ZNF804A: variants seen among roughly 807,000 people sequenced by gnomAD.
The protein encoded by ZNF804A is zinc finger protein 804A.
In ZNF804A, 2 loss-of-function variants were observed where a neutral mutation model predicts 16.5. The observed-to-expected ratio is 0.12, with a 90% CI of 0.05 to 0.38. The LOEUF is 0.38. ZNF804A is among the 10% of genes least tolerant of loss of function. The pLI is 0.99. For synonymous variants in ZNF804A, 534 were observed against 489.6 expected, an observed-to-expected ratio of 1.09 and a Z score of -1.20; for missense variants, 1,473 against 1,390.7, an observed-to-expected ratio of 1.06 and a Z score of -0.94.
chr2:184,696,904 G>T (rs1692839697), intron 1 of ZNF804A, among the ~76,000 whole-genome samples: 2 of 151,834 alleles, frequency 1.3e-5, no homozygotes. Flanking sequence ...ATTTAAAAAT[G>T]TAGAAACAAA....
At chr2:184,686,224 C>T (rs1439009911) in intron 1 of ZNF804A, among the ~76,000 whole-genome samples, 1 of 152,192 alleles carries the variant, frequency 6.6e-6, no homozygotes, top group African/African-American at 2.4e-5. Context: ...TGCAGCTACA[C>T]TAGGGAGCCT....
chr2:184,840,711 G>A (rs1171053481), intron 1 of ZNF804A, among the ~76,000 whole-genome samples: 2 of 151,882 alleles, frequency 1.3e-5, no homozygotes, highest in Non-Finnish European at 2.9e-5. Flanking sequence ...ATACACGCCC[G>A]CTAACAAAAC....
chr2:184,832,322 G>T (rs1055824465), intron 1 of ZNF804A, among the ~76,000 whole-genome samples: 5 of 151,984 alleles, frequency 3.3e-5, no homozygotes, highest in Admixed American at 2.0e-4. Flanking sequence ...TAGGAGTCAA[G>T]AACTTAGTTT....
rs1272263201 is a variant in ZNF804A at position 184,936,468 on chromosome 2, A to T, written c.1072A>T (p.Asn358Tyr). 6.2e-7 allele frequency: 1 copy of T among 1,613,966 alleles called. No individual in the cohort carries two copies. Among genetic ancestry groups the T allele is most frequent in the Non-Finnish European group, 8.5e-7 (1 of 1,179,942 alleles). ...TGGTAACAGTTTTGAGTTGTTAGGA[A>T]ATAAATCCACAGTTCTTGACATGTC... ...VSGNSFELLG[N>Y]KSTVLDMSND... The change falls in exon 4 of 4, where the codon AAT (asparagine) becomes TAT (tyrosine). Residue 358 changes from asparagine to tyrosine, a missense_variant. Coordinates refer to ENST00000302277, the MANE Select transcript of ZNF804A (RefSeq NM_194250.2).
chr2:184,782,195 A>G (rs1337817307), intron 1 of ZNF804A, among the ~76,000 whole-genome samples: 4 of 151,706 alleles, frequency 2.6e-5, no homozygotes, highest in Non-Finnish European at 2.9e-5. Context: ...GACACCATTT[A>G]GCTTATAGCA....
intron 2 of ZNF804A, among the ~76,000 whole-genome samples, chr2:184,922,401 G>T (rs1304736486): frequency 6.6e-6 from 1 of 151,826 alleles, no homozygotes; most frequent in Non-Finnish European, 1.5e-5. Flanking sequence ...TATGTCTTTT[G>T]GGAAATGTCT....
intron 2 of ZNF804A, among the ~76,000 whole-genome samples, chr2:184,869,146 T>A (rs929156071): frequency 4.0e-5 from 6 of 151,788 alleles, no homozygotes; most frequent in African/African-American, 1.5e-4. Flanking sequence ...GAAAAAAAAA[T>A]TTCTGAAATC....
At chr2:184,749,418 A>C (rs1693842592) in intron 1 of ZNF804A, among the ~76,000 whole-genome samples, 1 of 151,174 alleles carries the variant, frequency 6.6e-6, no homozygotes, top group African/African-American at 2.4e-5. Context: ...ATATTTGTAC[A>C]TTTATTTTGT....
At chr2:184,690,627 A>G (rs763919741) in intron 1 of ZNF804A, among the ~76,000 whole-genome samples, 1 of 152,070 alleles carries the variant, frequency 6.6e-6, no homozygotes, top group Admixed American at 6.5e-5. Flanking sequence ...GCATGCCTTT[A>G]GTAAGCCATT....
chr2:184,763,836 G>T (rs1156365566), intron 1 of ZNF804A, among the ~76,000 whole-genome samples: 1 of 151,440 alleles, frequency 6.6e-6, no homozygotes, highest in Non-Finnish European at 1.5e-5. Flanking sequence ...TAGAGATGGG[G>T]TTTCACCGTG....
rs138073881 is a variant in ZNF804A at position 184,806,521 on chromosome 2, G to A, written c.112-59848G>A. ...ATTGATCATCACAATCAGGAATGAT[G>A]AGCAAGAAATATTTTTTCAAGCCAG... On this transcript the variant is annotated intron_variant, in intron 1 of 3. Coordinates refer to ENST00000302277, the MANE Select transcript of ZNF804A (RefSeq NM_194250.2). Among the ~76,000 whole-genome samples, 329 of 151,868 alleles carry A rather than the reference G, an allele frequency of 2.2e-3. 1 individual carries two copies. The highest frequency in any genetic ancestry group is 6.8e-3 in the Middle Eastern group (2 of 294).
intron 1 of ZNF804A, among the ~76,000 whole-genome samples, chr2:184,688,027 G>A (rs1692666054): frequency 6.6e-6 from 1 of 152,116 alleles, no homozygotes; most frequent in Non-Finnish European, 1.5e-5. Flanking sequence ...GCTGAGACAT[G>A]AGAATTGCTT....
chr2:184,737,336 C>T (rs1484867839), intron 1 of ZNF804A, among the ~76,000 whole-genome samples: 1 of 152,006 alleles, frequency 6.6e-6, no homozygotes, highest in Admixed American at 6.6e-5. Context: ...GCTGGGATTA[C>T]AGGTGTGAGC....
intron 1 of ZNF804A, among the ~76,000 whole-genome samples, chr2:184,606,405 T>A (rs1019486036): frequency 1.1e-4 from 17 of 152,178 alleles, no homozygotes; most frequent in African/African-American, 3.6e-4. Flanking sequence ...TCACTTACTA[T>A]CACGAGAACA....
chr2:184,810,825 A>G (rs1694887521), intron 1 of ZNF804A, among the ~76,000 whole-genome samples: 1 of 152,126 alleles, frequency 6.6e-6, no homozygotes, highest in Non-Finnish European at 1.5e-5. Context: ...GATCAAATAC[A>G]CTAAAAACCA....
chr2:184,652,484 G>T (rs1470967494), intron 1 of ZNF804A, among the ~76,000 whole-genome samples: 1 of 152,052 alleles, frequency 6.6e-6, no homozygotes, highest in Non-Finnish European at 1.5e-5. Flanking sequence ...TATTTTAAAT[G>T]AAAAATATGT....
chr2:184,760,919 G>T (rs1694029330), intron 1 of ZNF804A, among the ~76,000 whole-genome samples: 2 of 151,942 alleles, frequency 1.3e-5, no homozygotes, highest in African/African-American at 4.8e-5. Context: ...TCTGTAAAAG[G>T]TTTAATTCAC....
chr2:184,863,485 C>T (rs1483928085), intron 1 of ZNF804A, among the ~76,000 whole-genome samples: 2 of 151,904 alleles, frequency 1.3e-5, no homozygotes, highest in African/African-American at 4.8e-5. Flanking sequence ...CCGCTAAAAA[C>T]CTCCCCACTT....
At chr2:184,616,261 G>C (rs946410955) in intron 1 of ZNF804A, among the ~76,000 whole-genome samples, 2 of 151,954 alleles carry the variant, frequency 1.3e-5, no homozygotes, top group Non-Finnish European at 2.9e-5. Context: ...TTCTAGCTGT[G>C]TAACCTGAGT....
Sources: gnomAD v4.1 joint callset for allele counts (sites outside exome capture counted in the v4.1 genomes callset) on GRCh38, gnomAD v4.1.1 for gene constraint, MANE v1.5 for transcripts, NCBI Gene and HGNC (gene_info 2026-07-23, HGNC 2026-07-21) for gene names.